The following DNAJB6 variants were observed in gnomAD, a reference collection of about 807,000 sequenced individuals.
DNAJB6 encodes the protein dnaJ homolog subfamily B member 6.
Under a neutral mutation model 42.7 loss-of-function variants are expected in DNAJB6, and 16 were observed. The ratio of observed to expected loss-of-function variants is 0.37; its 90% confidence interval spans 0.25 to 0.57. The LOEUF is 0.57. Ranked by LOEUF, DNAJB6 falls within the 20% of genes least tolerant of loss-of-function variation. The pLI is 0.74. For missense variants in DNAJB6, 347 were observed against 416.8 expected (o/e 0.83, Z 1.46); for synonymous variants, 170 against 163.5 (o/e 1.04, Z -0.30).
intron 9 of DNAJB6, chr7:157,410,784 C>G (rs866064469): frequency 1.3e-5 from 2 of 152,230 alleles, no homozygotes; most frequent in Non-Finnish European, 2.9e-5. Context: ...TTTGGGGGAC[C>G]GAAGCGGATG....
intron 1 of DNAJB6, among the ~76,000 whole-genome samples, chr7:157,347,318 T>C (rs543695843): frequency 2.0e-5 from 3 of 152,308 alleles, no homozygotes; most frequent in Admixed American, 1.3e-4. Context: ...ATTGTGTACA[T>C]TGACAGCATA....
chr7:157,405,760 G>T (rs1366626020), intron 8 of DNAJB6, among the ~76,000 whole-genome samples: 1 of 152,352 alleles, frequency 6.6e-6, no homozygotes, highest in African/African-American at 2.4e-5. Context: ...TGCTGGGCCT[G>T]GGAGGGACCG....
chr7:157,389,649 G>A (rs1208306218), intron 8 of DNAJB6, among the ~76,000 whole-genome samples: 1 of 152,212 alleles, frequency 6.6e-6, no homozygotes, highest in African/African-American at 2.4e-5. Flanking sequence ...GTGACCAATG[G>A]TTGAAATGGG....
chr7:157,346,522 A>G (rs1423392534), intron 1 of DNAJB6, among the ~76,000 whole-genome samples: 1 of 152,152 alleles, frequency 6.6e-6, no homozygotes, highest in African/African-American at 2.4e-5. Context: ...TGGATATTTA[A>G]TATATAGTTT....
At position 157,382,249 on chromosome 7, in the gene DNAJB6, AC is replaced by A; in HGVS notation, c.353del (p.Pro118LeufsTer50). On this transcript the variant is annotated frameshift_variant, in exon 6 of 10. Coordinates refer to ENST00000262177, the MANE Select transcript of DNAJB6 (RefSeq NM_058246.4). LOFTEE classifies it high-confidence loss of function. The stretch of plus-strand genomic sequence containing the variant: ...GTGTGTTTATGTTTGATTTTAGAAG[AC>A]CCTTTTGAGGACTTCTTTGGGAATC... ...RDPFSFDFFE[D>X]PFEDFFGNRR... is the part of the protein sequence containing the mutation. 6.3e-7 allele frequency: 1 copy of A among 1,589,134 alleles called. No individual in the cohort carries two copies. The highest frequency in any genetic ancestry group is 8.5e-7 in the Non-Finnish European group (1 of 1,173,426).
chr7:157,407,961 G>A (rs1249286995), intron 8 of DNAJB6, among the ~76,000 whole-genome samples: 2 of 152,178 alleles, frequency 1.3e-5, no homozygotes, highest in African/African-American at 4.8e-5. Flanking sequence ...AGTGCTGTGT[G>A]TGCATGGCGC....
intron 8 of DNAJB6, chr7:157,386,317 G>T: frequency 1.0e-6 from 1 of 985,136 alleles, no homozygotes; most frequent in Non-Finnish European, 1.2e-6. Flanking sequence ...TCCTGAGTGG[G>T]ATCTGGAGCT....
intron 9 of DNAJB6, chr7:157,410,500 C>G (rs926547815): frequency 2.2e-5 from 4 of 180,552 alleles, no homozygotes; most frequent in African/African-American, 9.4e-5. Flanking sequence ...CGCCCACCCC[C>G]CGTGGGGTTC....
At chr7:157,354,166 A>C (rs905761371) in intron 1 of DNAJB6, among the ~76,000 whole-genome samples, 2 of 151,758 alleles carry the variant, frequency 1.3e-5, no homozygotes, top group African/African-American at 4.8e-5. Context: ...GACTTTTTTG[A>C]GATGGAGTTT....
intron 8 of DNAJB6, chr7:157,386,461 G>A: frequency 3.9e-6 from 1 of 258,208 alleles, no homozygotes; most frequent in Non-Finnish European, 6.1e-6. Flanking sequence ...AGTATATGAA[G>A]ATTTTCATAT....
At chr7:157,401,919 C>T (rs1014783115) in intron 8 of DNAJB6, among the ~76,000 whole-genome samples, 1 of 152,194 alleles carries the variant, frequency 6.6e-6, no homozygotes, top group African/African-American at 2.4e-5. Context: ...CCGGCTCTTC[C>T]TGGATGTGGG....
intron 8 of DNAJB6, among the ~76,000 whole-genome samples, chr7:157,405,797 T>C (rs1795747475): frequency 6.6e-6 from 1 of 152,164 alleles, no homozygotes; most frequent in South Asian, 2.1e-4. Flanking sequence ...GCGAGAGCCA[T>C]GGGGTGGTGC....
chr7:157,375,869 TGAG>T (rs1396695372), intron 5 of DNAJB6, among the ~76,000 whole-genome samples: 3 of 152,236 alleles, frequency 2.0e-5, no homozygotes, highest in South Asian at 2.1e-4. Context: ...CTTTGGAACT[TGAG>T]GAGAGAGTGA....
At chr7:157,395,100 G>GC (rs912139519) in intron 8 of DNAJB6, among the ~76,000 whole-genome samples, 36 of 127,594 alleles carry the variant, frequency 2.8e-4, no homozygotes, top group Admixed American at 1.6e-3. Context: ...TGCCCGCCGC[G>GC]CCCCCCCACC....
At chr7:157,373,727 G>T (rs1012611765) in intron 5 of DNAJB6, among the ~76,000 whole-genome samples, 9 of 152,220 alleles carry the variant, frequency 5.9e-5, no homozygotes, top group Non-Finnish European at 1.0e-4. Flanking sequence ...GATTGGATCG[G>T]TGTGTGCTGG....
intron 8 of DNAJB6, among the ~76,000 whole-genome samples, chr7:157,400,133 G>C (rs1225909018): frequency 1.3e-5 from 2 of 152,210 alleles, no homozygotes; most frequent in Admixed American, 1.3e-4. Flanking sequence ...AATACAGTTG[G>C]TTTTGCCTTT....
In DNAJB6 at chr7:157,360,805, C is replaced by G. The variant is rs149632187; in HGVS notation, c.65+2168C>G. 4.2e-3 allele frequency among the ~76,000 whole-genome samples: 642 copies of G among 152,280 alleles called. 4 individuals carry two copies. The highest frequency in any genetic ancestry group is 0.015 in the African/African-American group (612 of 41,544). ...CTGTTCTGCATCTCTCCTGAGATAC[C>G]AGACTCTTCCTGGGTTTGAGTCACA... On this transcript the variant is annotated intron_variant, in intron 2 of 9. Transcript: ENST00000262177.
chr7:157,378,820 A>T (rs886900357), intron 5 of DNAJB6: 1 of 152,176 alleles, frequency 6.6e-6, no homozygotes, highest in South Asian at 2.1e-4. Context: ...CCAGCACATG[A>T]TAAGTAGCTC....
intron 1 of DNAJB6, among the ~76,000 whole-genome samples, chr7:157,351,950 G>T (rs1196131835): frequency 6.6e-6 from 1 of 152,146 alleles, no homozygotes; most frequent in East Asian, 1.9e-4. Context: ...AGTCGAGATT[G>T]TGCTGCTGCA....
Sources: allele counts gnomAD v4.1 joint callset (sites outside exome capture counted in the v4.1 genomes callset), GRCh38; gene constraint gnomAD v4.1.1; transcripts MANE v1.5; gene names NCBI Gene and HGNC (gene_info 2026-07-23, HGNC 2026-07-21).